The following DEPTOR variants were observed in gnomAD, a reference collection of about 807,000 sequenced individuals.
The protein encoded by DEPTOR is DEP domain-containing mTOR-interacting protein.
Under a neutral mutation model 41.6 loss-of-function variants are expected in DEPTOR, and 41 were observed. The observed-to-expected ratio is 0.98, with a 90% CI of 0.77 to 1.28. The LOEUF (loss-of-function observed/expected upper bound fraction) is 1.28, where lower values mean the gene tolerates loss of function less well. Among genes scored for constraint, DEPTOR ranks in the 50% most tolerant of loss-of-function variants. DEPTOR has a pLI of 0.00. For missense variants in DEPTOR, 514 were observed against 527.9 expected, an observed-to-expected ratio of 0.97 and a Z score of 0.26; for synonymous variants, 195 against 192.3, an observed-to-expected ratio of 1.01 and a Z score of -0.12.
At chr8:119,966,148 G>C (rs183630375) in intron 4 of DEPTOR, among the ~76,000 whole-genome samples, 146 of 152,162 alleles carry the variant, frequency 9.6e-4, no homozygotes, top group African/African-American at 3.3e-3. Flanking sequence ...TCTGACCTAC[G>C]TTGGTTAACT....
At chr8:120,047,656 C>CATGA (rs1323735857) in intron 8 of DEPTOR, among the ~76,000 whole-genome samples, 2 of 151,982 alleles carry the variant, frequency 1.3e-5, no homozygotes, top group Non-Finnish European at 2.9e-5. Flanking sequence ...GGATTACAGG[C>CATGA]ATGAGCTACT....
chr8:120,042,711 G>T (rs935823738), intron 8 of DEPTOR, among the ~76,000 whole-genome samples: 1 of 151,870 alleles, frequency 6.6e-6, no homozygotes, highest in Non-Finnish European at 1.5e-5. Context: ...TAGAGACAGG[G>T]TCTCACCATG....
At chr8:119,942,596 A>G (rs1032326590) in intron 3 of DEPTOR, among the ~76,000 whole-genome samples, 2 of 152,194 alleles carry the variant, frequency 1.3e-5, no homozygotes, top group African/African-American at 4.8e-5. Flanking sequence ...TACTTCCGCC[A>G]AGTTTTCCTA....
chr8:120,049,515 T>A lies in DEPTOR; in HGVS notation c.1102-61T>A, dbSNP rs16893464. The A allele has an allele frequency of 9.4e-3, 14,871 of 1,581,358 alleles. 1,084 individuals are homozygous for A. In the African/African-American group the frequency reaches 0.17, roughly 18 times the overall value. On this transcript the variant is annotated intron_variant, in intron 8 of 8. Coordinates refer to ENST00000286234, the MANE Select transcript of DEPTOR (RefSeq NM_022783.4). ...TGTTAGGGCTACACACTGTCTTTAT[T>A]AAAGCTTTGTGCAAAACCAGGCGCT...
intron 3 of DEPTOR, among the ~76,000 whole-genome samples, chr8:119,933,419 G>A (rs1828070442): frequency 6.7e-6 from 1 of 148,910 alleles, no homozygotes; most frequent in Non-Finnish European, 1.5e-5. Flanking sequence ...TTGAACCTGG[G>A]AAGTTCAAGC....
intron 8 of DEPTOR, 40 bp from the exon 9 acceptor site, chr8:120,049,536 G>A (rs776021085): frequency 3.0e-5 from 48 of 1,600,898 alleles, no homozygotes; most frequent in Non-Finnish European, 3.8e-5. Flanking sequence ...GCAAAACCAG[G>A]CGCTATAATA....
chr8:119,950,800 G>A (rs1294041912), intron 3 of DEPTOR, among the ~76,000 whole-genome samples: 1 of 152,104 alleles, frequency 6.6e-6, no homozygotes, highest in East Asian at 1.9e-4. Context: ...GTTTTACCAT[G>A]TTTGCCAGGC....
At chr8:119,984,577 G>A (rs1187318080) in intron 4 of DEPTOR, among the ~76,000 whole-genome samples, 3 of 152,130 alleles carry the variant, frequency 2.0e-5, no homozygotes, top group Non-Finnish European at 4.4e-5. Flanking sequence ...CTTCATCCAT[G>A]TCCCTGCAAA....
chr8:119,975,341 G>T (rs1232861360), intron 4 of DEPTOR, among the ~76,000 whole-genome samples: 2 of 151,856 alleles, frequency 1.3e-5, no homozygotes, highest in Non-Finnish European at 2.9e-5. Flanking sequence ...AGACTATATG[G>T]CATTAAGAAA....
At chr8:119,932,327 C>T (rs1370630954) in intron 3 of DEPTOR, among the ~76,000 whole-genome samples, 3 of 152,172 alleles carry the variant, frequency 2.0e-5, no homozygotes, top group Non-Finnish European at 4.4e-5. Flanking sequence ...ATCTGCATAA[C>T]CACACTGTGG....
chr8:119,889,901 T>G (rs1827429788), intron 1 of DEPTOR, among the ~76,000 whole-genome samples: 1 of 152,090 alleles, frequency 6.6e-6, no homozygotes, highest in South Asian at 2.1e-4. Context: ...GGACAAAAAG[T>G]TAGAGGTGAT....
At chr8:119,892,437 A>G (rs1827463594) in intron 1 of DEPTOR, among the ~76,000 whole-genome samples, 1 of 152,242 alleles carries the variant, frequency 6.6e-6, no homozygotes, top group Admixed American at 6.5e-5. Context: ...TACCATAAAT[A>G]TAAGTAATAG....
chr8:119,984,385 A>G (rs1828804059), intron 4 of DEPTOR, among the ~76,000 whole-genome samples: 1 of 152,144 alleles, frequency 6.6e-6, no homozygotes, highest in Non-Finnish European at 1.5e-5. Flanking sequence ...TGTCATCTAC[A>G]TTAGGTATTT....
chr8:120,023,774 T>TCTCCATG (rs906915380), intron 8 of DEPTOR, among the ~76,000 whole-genome samples: 1 of 151,026 alleles, frequency 6.6e-6, no homozygotes, highest in African/African-American at 2.4e-5. Flanking sequence ...CTGAGCTGTG[T>TCTCCATG]CTCCATGGTT....
rs77077135 is a variant in DEPTOR at position 119,988,923 on chromosome 8, T to C, written c.605-12602T>C. 5.7e-3 allele frequency among the ~76,000 whole-genome samples: 864 copies of C among 151,634 alleles called. 10 individuals are homozygous for C. Among genetic ancestry groups the C allele is most frequent in the African/African-American group, 0.02 (831 of 41,354 alleles). On this transcript the variant is annotated intron_variant, in intron 4 of 8. Transcript: ENST00000286234. ...CCTGGGCTATCTGAGATCAGAGCAA[T>C]GTTTTCTGTGCTATAGCCATATCCT...
At chr8:120,032,534 A>T (rs1412531257) in intron 8 of DEPTOR, among the ~76,000 whole-genome samples, 1 of 152,044 alleles carries the variant, frequency 6.6e-6, no homozygotes, top group Admixed American at 6.6e-5. Context: ...ACTAACTTTC[A>T]TTCCTGAAGG....
At chr8:119,992,729 T>C (rs1812190881) in intron 4 of DEPTOR, among the ~76,000 whole-genome samples, 1 of 150,316 alleles carries the variant, frequency 6.7e-6, no homozygotes, top group Non-Finnish European at 1.5e-5. Context: ...TGATCTTGGC[T>C]CACTACAACC....
chr8:119,895,711 C>T (rs904994403), intron 1 of DEPTOR, among the ~76,000 whole-genome samples: 3 of 152,296 alleles, frequency 2.0e-5, no homozygotes, highest in Admixed American at 2.0e-4. Context: ...GAGGTCACAT[C>T]CACCAATTCC....
chr8:119,909,074 T>C (rs1827704477), intron 1 of DEPTOR, among the ~76,000 whole-genome samples: 1 of 152,210 alleles, frequency 6.6e-6, no homozygotes, highest in East Asian at 1.9e-4. Context: ...CTTTGCTTCC[T>C]AGCATCTCAC....
Sources: gnomAD v4.1 joint callset for allele counts (sites outside exome capture counted in the v4.1 genomes callset) on GRCh38, gnomAD v4.1.1 for gene constraint, MANE v1.5 for transcripts, NCBI Gene and HGNC (gene_info 2026-07-23, HGNC 2026-07-21) for gene names.